TNFRSF19: variants seen among roughly 807,000 people sequenced by gnomAD.
The protein encoded by TNFRSF19 is tumor necrosis factor receptor superfamily member 19.
TNFRSF19 carries 27 observed loss-of-function variants against 46.4 expected under a neutral mutation model. The observed-to-expected ratio is 0.58, with a 90% CI of 0.43 to 0.80. The LOEUF (loss-of-function observed/expected upper bound fraction) is 0.80, where lower values mean the gene tolerates loss of function less well. Among genes scored for constraint, TNFRSF19 ranks in the 30% least tolerant of loss-of-function variants. The pLI, the probability that TNFRSF19 is intolerant of heterozygous loss-of-function variation, is 0.00. For missense variants in TNFRSF19, 511 were observed against 530.8 expected, an observed-to-expected ratio of 0.96 and a Z score of 0.37; for synonymous variants, 204 against 205.0, an observed-to-expected ratio of 1.00 and a Z score of 0.04.
intron 4 of TNFRSF19, among the ~76,000 whole-genome samples, chr13:23,624,200 G>A (rs1018500828): frequency 6.6e-6 from 1 of 152,044 alleles, no homozygotes; most frequent in African/African-American, 2.4e-5. Flanking sequence ...TATACATGAC[G>A]GTTTACTTCT....
intron 9 of TNFRSF19, chr13:23,669,468 C>T: frequency 1.0e-6 from 1 of 983,234 alleles, no homozygotes. Context: ...ATATATATTA[C>T]TTATGCCCAA....
At chr13:23,647,095 A>G (rs571268494) in intron 5 of TNFRSF19, among the ~76,000 whole-genome samples, 2 of 152,290 alleles carry the variant, frequency 1.3e-5, no homozygotes, top group South Asian at 2.1e-4. Context: ...GTAAATGTCT[A>G]TTCAAATCCT....
In TNFRSF19 at chr13:23,674,674, A is replaced by G. The variant is rs1230113797; in HGVS notation, c.*1294A>G. The G allele has an allele frequency of 6.6e-6, 1 of 152,226 alleles. No individual in the cohort carries two copies. Among genetic ancestry groups the G allele is most frequent in the African/African-American group, 2.4e-5 (1 of 41,456 alleles). 9.4% of individuals were successfully genotyped at this position (152,226 alleles called of 1,614,324 possible). ...AATCTTTATGCCCTGGAGAAGACCT[A>G]CTTGAACAGGGCATATTTTTTAGAC... On this transcript the variant is annotated 3_prime_UTR_variant, in exon 10 of 10. Transcript: ENST00000248484.
intron 5 of TNFRSF19, among the ~76,000 whole-genome samples, chr13:23,653,237 C>T (rs932553689): frequency 6.6e-6 from 1 of 152,168 alleles, no homozygotes; most frequent in African/African-American, 2.4e-5. Context: ...ATAACCCACA[C>T]CCCTTCTGCC....
intron 3 of TNFRSF19, among the ~76,000 whole-genome samples, chr13:23,596,019 A>G (rs1274289382): frequency 1.3e-5 from 2 of 152,200 alleles, no homozygotes; most frequent in Admixed American, 6.5e-5. Context: ...TAAGCTTCAT[A>G]AGTGACGGAG....
chr13:23,617,025 CA>C (rs1881344610), intron 4 of TNFRSF19, among the ~76,000 whole-genome samples: 2 of 152,118 alleles, frequency 1.3e-5, no homozygotes, highest in Non-Finnish European at 2.9e-5. Flanking sequence ...AGGACAGTGA[CA>C]GCGTAAATTG....
chr13:23,575,412 GC>G (rs1349306374), intron 1 of TNFRSF19, among the ~76,000 whole-genome samples: 1 of 152,174 alleles, frequency 6.6e-6, no homozygotes, highest in African/African-American at 2.4e-5. Flanking sequence ...GATACAGAAA[GC>G]CCAGATTCTG....
chr13:23,599,989 T>G (rs2138207739), intron 3 of TNFRSF19, among the ~76,000 whole-genome samples: 1 of 152,272 alleles, frequency 6.6e-6, no homozygotes, highest in East Asian at 1.9e-4. Flanking sequence ...TTTTCCCAAA[T>G]CTCAGTGAAA....
At chr13:23,672,946 G>C (rs568467477) in intron 9 of TNFRSF19, among the ~76,000 whole-genome samples, 1 of 152,186 alleles carries the variant, frequency 6.6e-6, no homozygotes, top group African/African-American at 2.4e-5. Flanking sequence ...ATAAAGAATG[G>C]TACTATTCAT....
chr13:23,668,751 T>C lies in TNFRSF19; in HGVS notation c.899T>C (p.Ile300Thr). ...TTCTTCGGATCCCTCACGCAGTCCA[T>C]CTGTGGCGAGTTTTCAGATGCCTGG... ...PTFFGSLTQSICGEFSDAWPL... is the reference protein window; with the variant it reads ...PTFFGSLTQSTCGEFSDAWPL... Residue 300 changes from isoleucine (I) to threonine (T), a missense_variant, in exon 9 of 10, where the codon ATC (isoleucine) becomes ACC (threonine). Physicochemically the swap from Ile to Thr is moderately conservative, Grantham distance 89 (BLOSUM62 -1). Coordinates refer to ENST00000248484, the MANE Select transcript of TNFRSF19 (RefSeq NM_148957.4). The C allele has an allele frequency of 6.2e-7, 1 of 1,614,240 alleles. No homozygotes were observed. Among genetic ancestry groups the C allele is most frequent in the Non-Finnish European group, 8.5e-7 (1 of 1,180,042 alleles).
chr13:23,606,207 A>G (rs1316514037), intron 3 of TNFRSF19, among the ~76,000 whole-genome samples: 1 of 152,226 alleles, frequency 6.6e-6, no homozygotes, highest in Non-Finnish European at 1.5e-5. Context: ...GCTATCCAGA[A>G]GAAATATTTT....
At chr13:23,582,898 G>A (rs941590872) in intron 1 of TNFRSF19, among the ~76,000 whole-genome samples, 1 of 152,140 alleles carries the variant, frequency 6.6e-6, no homozygotes, top group African/African-American at 2.4e-5. Context: ...GGTATCAAAA[G>A]TTAAATCATT....
chr13:23,590,241 C>G lies in TNFRSF19; in HGVS notation c.58C>G (p.Leu20Val). 1 of 1,584,690 alleles carries G rather than the reference C, an allele frequency of 6.3e-7. No individual in the cohort carries two copies. The highest frequency in any genetic ancestry group is 8.6e-7 in the Non-Finnish European group (1 of 1,165,126). Residue 20 changes from leucine to valine, a missense_variant, in exon 2 of 10, where the codon CTA becomes GTA. Physicochemically the swap from Leu to Val is conservative, Grantham distance 32. This residue lies in a region of TNFRSF19 where 121 missense variants were observed against 124.1 expected (regional missense o/e 0.98). Transcript: ENST00000248484. ...AACGTTTTTCACTCTTTTAGTATTA[C>G]TAGGCTATTTGGTAAGTAAAGTCCT... ...EKTFFTLLVL[L>V]GYLSCKVTCE...
chr13:23,618,000 G>A (rs1424807781), intron 4 of TNFRSF19, among the ~76,000 whole-genome samples: 1 of 152,138 alleles, frequency 6.6e-6, no homozygotes, highest in Non-Finnish European at 1.5e-5. Context: ...AAAGCTCTGG[G>A]CCTGAAGGGT....
intron 1 of TNFRSF19, chr13:23,585,313 A>G (rs921931962): frequency 6.6e-6 from 1 of 152,270 alleles, no homozygotes; most frequent in Non-Finnish European, 1.5e-5. Flanking sequence ...TTATTCTGAA[A>G]AAAAGAGTAT....
At chr13:23,610,615 T>A (rs948882195) in intron 3 of TNFRSF19, among the ~76,000 whole-genome samples, 1 of 152,160 alleles carries the variant, frequency 6.6e-6, no homozygotes. Context: ...CCCTAGGATT[T>A]TTTTAAAGTA....
At chr13:23,643,226 A>C (rs2138342858) in intron 5 of TNFRSF19, among the ~76,000 whole-genome samples, 1 of 152,358 alleles carries the variant, frequency 6.6e-6, no homozygotes, top group African/African-American at 2.4e-5. Context: ...TAGAGTAAGA[A>C]GTTGTTATTT....
Position 23,659,353 on chromosome 13 carries a change from G to C in TNFRSF19, c.610+139G>C. 3 of 922,378 alleles carry C rather than the reference G, an allele frequency of 3.3e-6. No individual in the cohort carries two copies. Among genetic ancestry groups the C allele is most frequent in the Non-Finnish European group, 4.8e-6 (3 of 623,490 alleles). The allele number at this position is 922,378 out of a possible 1,614,324, so 57.1% of individuals were successfully genotyped here. Reference sequence around the variant, plus strand: ...AAGAACGCAGGGCACAAGAAACACAGGTGATCCCTGAACAGCAGAGGGCTA... The same window carrying C: ...AAGAACGCAGGGCACAAGAAACACACGTGATCCCTGAACAGCAGAGGGCTA... On this transcript the variant is annotated intron_variant, in intron 6 of 9. Transcript: ENST00000248484. This position sits in a 1 kb window ranked among gnomAD's most constrained non-coding sequence, Gnocchi z 4.9.
intron 6 of TNFRSF19, 112 bp from the exon 7 acceptor site, chr13:23,660,253 C>A: frequency 8.9e-7 from 1 of 1,126,672 alleles, no homozygotes; most frequent in Non-Finnish European, 1.2e-6. Flanking sequence ...AAGAAGTCAT[C>A]AAACATTGGA....
Sources: allele counts gnomAD v4.1 joint callset (sites outside exome capture counted in the v4.1 genomes callset), GRCh38; gene constraint gnomAD v4.1.1; regional missense constraint gnomAD v4.1.1; non-coding constraint Gnocchi (gnomAD v3.1); transcripts MANE v1.5; gene names NCBI Gene and HGNC (gene_info 2026-07-23, HGNC 2026-07-21).